Variants in UBE2H observed in about 807,000 individuals in gnomAD.
UBE2H encodes the protein ubiquitin-conjugating enzyme E2 H.
A neutral mutation model predicts 29.0 loss-of-function variants in UBE2H; 3 were observed. The observed-to-expected ratio is 0.10, with a 90% CI of 0.05 to 0.27. UBE2H has a LOEUF of 0.27. Among genes scored for constraint, UBE2H ranks in the 10% least tolerant of loss-of-function variants. UBE2H has a pLI of 1.00. For missense variants in UBE2H, 68 were observed against 228.2 expected (o/e 0.30, Z 4.52); for synonymous variants, 69 against 82.9 (o/e 0.83, Z 0.91).
chr7:129,896,181 C>CA (rs1296457981), intron 1 of UBE2H, among the ~76,000 whole-genome samples: 1 of 151,612 alleles, frequency 6.6e-6, no homozygotes. Flanking sequence ...CTAAAAAACA[C>CA]AAAAAATTAG....
In UBE2H at chr7:129,918,604, C is replaced by CT. The variant is rs1807091791; in HGVS notation, c.53+33898dup. On this transcript the variant is annotated intron_variant, in intron 1 of 6. Coordinates refer to ENST00000355621, the MANE Select transcript of UBE2H (RefSeq NM_003344.4). ...AGTGCCCGGCCCCAAAATCCAAATT[C>CT]TTAAAATTACCAACCTGTACAAAGC... Among the ~76,000 whole-genome samples, 5 of 152,230 alleles carry CT rather than the reference C, an allele frequency of 3.3e-5. No homozygotes were observed. The South Asian group carries it at 1.0e-3, about 32-fold the overall frequency.
intron 3 of UBE2H, among the ~76,000 whole-genome samples, chr7:129,868,856 A>G (rs1805969262): frequency 6.6e-6 from 1 of 151,738 alleles, no homozygotes; most frequent in South Asian, 2.1e-4. Flanking sequence ...TTGGCCCCCA[A>G]GTTGCTCTCT....
intron 1 of UBE2H, among the ~76,000 whole-genome samples, chr7:129,925,505 A>C (rs576478537): frequency 7.9e-5 from 12 of 152,194 alleles, no homozygotes; most frequent in South Asian, 4.1e-4. Context: ...GCGAAACAAC[A>C]TTCACTGTGA....
intron 1 of UBE2H, among the ~76,000 whole-genome samples, chr7:129,890,288 C>T (rs912821007): frequency 1.3e-5 from 2 of 151,046 alleles, no homozygotes; most frequent in Non-Finnish European, 2.9e-5. Flanking sequence ...TATATATACA[C>T]GTGTATATGT....
chr7:129,880,878 C>T lies in UBE2H; in HGVS notation c.130+17G>A, dbSNP rs1415237338. 22 of 1,602,380 alleles carry T rather than the reference C, an allele frequency of 1.4e-5. No individual in the cohort carries two copies. The highest frequency in any genetic ancestry group is 1.7e-5 in the Non-Finnish European group (20 of 1,170,708). ...AAAGACTGTAATAGAAGAACACATA[C>T]CAACACATGTACTTACTTCCTTGTG... is the stretch of plus-strand genomic sequence containing the variant. On this transcript the variant is annotated intron_variant, in intron 2 of 6. Transcript: ENST00000355621.
At chr7:129,840,450 A>G (rs902015755) in intron 5 of UBE2H, among the ~76,000 whole-genome samples, 1 of 152,112 alleles carries the variant, frequency 6.6e-6, no homozygotes, top group African/African-American at 2.4e-5. Flanking sequence ...GGCCTCCCCA[A>G]GTGCTGGGAT....
chr7:129,909,268 G>T (rs542090467), intron 1 of UBE2H, among the ~76,000 whole-genome samples: 2 of 152,280 alleles, frequency 1.3e-5, no homozygotes, highest in South Asian at 2.1e-4. Context: ...ACATGTACAA[G>T]AATCACCAGG....
At chr7:129,880,337 T>G (rs1272377549) in intron 2 of UBE2H, among the ~76,000 whole-genome samples, 1 of 152,098 alleles carries the variant, frequency 6.6e-6, no homozygotes, top group Non-Finnish European at 1.5e-5. Context: ...TGAAACCCTG[T>G]CTCTACTAAA....
At chr7:129,874,021 T>G (rs1275610747) in intron 3 of UBE2H, among the ~76,000 whole-genome samples, 1 of 152,206 alleles carries the variant, frequency 6.6e-6, no homozygotes, top group Non-Finnish European at 1.5e-5. Context: ...TTCTAATTTT[T>G]AAGAAGTATA....
chr7:129,942,884 C>T (rs886099224), intron 1 of UBE2H, among the ~76,000 whole-genome samples: 2 of 151,768 alleles, frequency 1.3e-5, no homozygotes, highest in East Asian at 1.9e-4. Flanking sequence ...CTCTGTTCCC[C>T]GGGGTTGGAG....
At chr7:129,951,693 AT>A (rs1412584749) in intron 1 of UBE2H, among the ~76,000 whole-genome samples, 1 of 152,192 alleles carries the variant, frequency 6.6e-6, no homozygotes, top group Non-Finnish European at 1.5e-5. Flanking sequence ...CAGGGCAAGT[AT>A]TCCCCCAAGA....
At chr7:129,872,024 T>C (rs755443937) in intron 3 of UBE2H, among the ~76,000 whole-genome samples, 1 of 152,060 alleles carries the variant, frequency 6.6e-6, no homozygotes, top group Admixed American at 6.5e-5. Context: ...TTTTTATATA[T>C]ATATATTTTT....
At chr7:129,856,021 G>T (rs1805699111) in intron 5 of UBE2H, among the ~76,000 whole-genome samples, 1 of 152,196 alleles carries the variant, frequency 6.6e-6, no homozygotes, top group African/African-American at 2.4e-5. Context: ...TAATATGTGA[G>T]ATGAGTGAAG....
chr7:129,845,777 C>T (rs1479212362), intron 5 of UBE2H, among the ~76,000 whole-genome samples: 3 of 152,230 alleles, frequency 2.0e-5, no homozygotes, highest in Admixed American at 2.0e-4. Context: ...TCAGGCTTTC[C>T]ACTGCCTTGC....
chr7:129,883,155 T>C (rs1806288230), intron 1 of UBE2H, among the ~76,000 whole-genome samples: 1 of 152,246 alleles, frequency 6.6e-6, no homozygotes, highest in African/African-American at 2.4e-5. Context: ...TAAAATCTAG[T>C]GTTCAGTGGA....
At chr7:129,903,589 G>A (rs779945552) in intron 1 of UBE2H, among the ~76,000 whole-genome samples, 4 of 149,962 alleles carry the variant, frequency 2.7e-5, no homozygotes, top group Non-Finnish European at 6.0e-5. Context: ...ACAGCAAGAC[G>A]CCATATCTAC....
At chr7:129,930,109 T>C (rs912983874) in intron 1 of UBE2H, among the ~76,000 whole-genome samples, 1 of 152,204 alleles carries the variant, frequency 6.6e-6, no homozygotes, top group Non-Finnish European at 1.5e-5. Flanking sequence ...TCTTCCAATA[T>C]ACATTTGTTA....
At chr7:129,858,151 A>C (rs1805739384) in intron 4 of UBE2H, among the ~76,000 whole-genome samples, 1 of 152,230 alleles carries the variant, frequency 6.6e-6, no homozygotes, top group African/African-American at 2.4e-5. Context: ...ATGGCAGTAG[A>C]TTAAATAAGT....
At chr7:129,863,121 C>A (rs1362128586) in intron 3 of UBE2H, among the ~76,000 whole-genome samples, 1 of 152,176 alleles carries the variant, frequency 6.6e-6, no homozygotes, top group Non-Finnish European at 1.5e-5. Flanking sequence ...CTGGAGAGCA[C>A]ACTTGGAATT....
Sources: gnomAD v4.1 joint callset for allele counts (sites outside exome capture counted in the v4.1 genomes callset) on GRCh38, gnomAD v4.1.1 for gene constraint, MANE v1.5 for transcripts, NCBI Gene and HGNC (gene_info 2026-07-23, HGNC 2026-07-21) for gene names.